The following TTC34 variants were observed in gnomAD, a reference collection of about 807,000 sequenced individuals.
TTC34 encodes tetratricopeptide repeat domain 34.
In TTC34, 44 loss-of-function variants were observed where a neutral mutation model predicts 40.7. That is an observed-to-expected ratio of 1.08 (90% confidence interval 0.85 to 1.39). The LOEUF is 1.39. Among genes scored for constraint, TTC34 ranks in the 40% most tolerant of loss-of-function variants. TTC34 has a pLI of 0.00. For synonymous variants in TTC34, 422 were observed against 398.6 expected, an observed-to-expected ratio of 1.06 and a Z score of -0.70; for missense variants, 884 against 838.0, an observed-to-expected ratio of 1.05 and a Z score of -0.68.
Position 2,787,469 on chromosome 1 carries a change from A to G in TTC34, c.1854+12T>C. 1 of 1,465,888 alleles carries G rather than the reference A, an allele frequency of 6.8e-7. No homozygotes were observed. Among genetic ancestry groups the G allele is most frequent in the East Asian group, 2.5e-5 (1 of 39,924 alleles). The allele number at this position is 1,465,888 out of a possible 1,614,324, so 90.8% of individuals were successfully genotyped here. A position where few individuals can be genotyped will look rare whatever the true frequency, so the allele number is the denominator to read the frequency against. ...TTCCACCTGCCCTCTGTCACCCCCC[A>G]GGCCTCCTCACCTGGTTGGCGTCAT... On this transcript the variant is annotated intron_variant, in intron 4 of 8. Transcript: ENST00000401095.
At chr1:2,800,444 C>T (rs1557695644) in exon 2 of TTC34, 2 of 398,368 alleles carry the variant, frequency 5.0e-6, no homozygotes, top group Non-Finnish European at 4.4e-6. Flanking sequence ...GAGAGTCCAG[C>T]AGGGCGCTGC....
At position 2,644,433 on chromosome 1, in the gene TTC34, C is replaced by T. The variant is rs113268807; in HGVS notation, c.2543G>A (p.Arg848His). ...CCGGGCTGCCTCTGACGTTGGGGCA[C>T]GGTGCAGGGCTTTTTCCAGGTGGGT... Residue 848 changes from arginine to histidine, a missense_variant, in exon 8 of 9, where the codon CGT becomes CAT. Physicochemically the swap from Arg to His is conservative, Grantham distance 29. Coordinates refer to ENST00000401095, the Ensembl canonical transcript of TTC34. 1,529 of 1,535,526 alleles carry T rather than the reference C, an allele frequency of 1.0e-3. 17 individuals are homozygous for T. The African/African-American group carries it at 0.018, about 18-fold the overall frequency.
At chr1:2,759,432 C>T (rs1344671065) in intron 6 of TTC34, among the ~76,000 whole-genome samples, 6 of 98,154 alleles carry the variant, frequency 6.1e-5, no homozygotes, top group East Asian at 3.6e-4. Flanking sequence ...GGATCAGCAC[C>T]CACACTCCCA....
chr1:2,680,215 C>CCA (rs1258773758), intron 6 of TTC34, among the ~76,000 whole-genome samples: 2 of 114,278 alleles, frequency 1.8e-5, no homozygotes, highest in African/African-American at 2.7e-5. Context: ...GGAGCAGCAC[C>CCA]AGTACCCCCA....
chr1:2,765,792 A>C, intron 6 of TTC34, among the ~76,000 whole-genome samples: 1 of 21,290 alleles, frequency 4.7e-5, no homozygotes. Flanking sequence ...AGCAGCGCCC[A>C]CACCCCCGGG....
At chr1:2,775,002 T>C (rs1569880391) in intron 6 of TTC34, 1 of 122,382 alleles carries the variant, frequency 8.2e-6, no homozygotes, top group East Asian at 2.5e-4. Context: ...GGTGAGCATC[T>C]GACAGCCTGG....
rs150825898 is a variant in TTC34 at position 2,783,228 on chromosome 1, C to G, written c.2226+381G>C. Among the ~76,000 whole-genome samples the G allele has an allele frequency of 9.4e-3, 1,439 of 152,300 alleles. 28 individuals are homozygous for G. Among genetic ancestry groups the G allele is most frequent in the African/African-American group, 0.033 (1,368 of 41,562 alleles). ...ACTCCCTCTGTGCATGTCCTCTAAA[C>G]CCCTCTCAACACCGGGGGCCAGGCA... On this transcript the variant is annotated intron_variant, in intron 6 of 8. Transcript: ENST00000401095.
intron 2 of TTC34, among the ~76,000 whole-genome samples, chr1:2,794,278 A>T (rs1002491081): frequency 7.2e-5 from 11 of 152,174 alleles, no homozygotes; most frequent in African/African-American, 2.7e-4. Context: ...AAGTGCTGGG[A>T]TTACAGGCAT....
chr1:2,652,972 G>A (rs1444616439), intron 6 of TTC34, among the ~76,000 whole-genome samples: 1 of 151,830 alleles, frequency 6.6e-6, no homozygotes, highest in East Asian at 1.9e-4. Flanking sequence ...CACACCCCCA[G>A]GTGAGCATGT....
Position 2,755,557 on chromosome 1 carries a change from C to G in TTC34, c.2226+28052G>C, listed in dbSNP as rs1641475685. The stretch of plus-strand genomic sequence containing the variant: ...AGTACCCACACCCACAGGCGAGCAT[C>G]TGAAACCACGGAGCAGCACCCACAC... On this transcript the variant is annotated intron_variant, in intron 6 of 8. Coordinates refer to ENST00000401095, the Ensembl canonical transcript of TTC34. Among the ~76,000 whole-genome samples the G allele has an allele frequency of 2.7e-5, 3 of 109,790 alleles. 1 individual carries two copies. The highest frequency in any genetic ancestry group is 9.1e-5 in the African/African-American group (2 of 22,006). 72.0% of individuals were successfully genotyped at this position (109,790 alleles called of 152,430 possible).
At chr1:2,682,119 A>C (rs1299485278) in intron 6 of TTC34, among the ~76,000 whole-genome samples, 170 of 139,150 alleles carry the variant, frequency 1.2e-3, no homozygotes, top group African/African-American at 4.2e-3. Flanking sequence ...CCAGGTGAGC[A>C]TCTGACAGCC....
chr1:2,796,885 G>A lies in TTC34; in HGVS notation c.784+3159C>T, dbSNP rs186131708. 2.9e-3 allele frequency among the ~76,000 whole-genome samples: 439 copies of A among 152,184 alleles called. No individual in the cohort carries two copies. The highest frequency in any genetic ancestry group is 4.6e-3 in the Non-Finnish European group (313 of 68,012). On this transcript the variant is annotated intron_variant, in intron 2 of 8. Transcript: ENST00000401095. This position sits in a 1 kb window ranked among gnomAD's most constrained non-coding sequence, Gnocchi z 4.5. ...TAACTGGTTCCTGCCCCACCCTCTC[G>A]TTGGGGTCACCAAGAACCTCGGCAC... is the stretch of plus-strand genomic sequence containing the variant.
chr1:2,700,736 C>G (rs1450315622), intron 6 of TTC34, among the ~76,000 whole-genome samples: 1 of 93,906 alleles, frequency 1.1e-5, no homozygotes, highest in African/African-American at 3.1e-5. Flanking sequence ...AAGCACCCTC[C>G]ACCCACACGT....
chr1:2,651,426 C>G lies in TTC34; in HGVS notation c.2227-5863G>C, dbSNP rs147401433. Among the ~76,000 whole-genome samples the G allele has an allele frequency of 8.7e-4, 132 of 151,992 alleles. 3 individuals carry two copies. In the East Asian group the frequency reaches 0.023, roughly 27 times the overall value. On this transcript the variant is annotated intron_variant, in intron 6 of 8. Transcript: ENST00000401095. ...GGTGAACTTGTGACAATCCGAAACA[C>G]AACCCCACACACGCAGGTAAGCATC...
chr1:2,682,126 A>T (rs1384449747), intron 6 of TTC34, among the ~76,000 whole-genome samples: 8 of 140,630 alleles, frequency 5.7e-5, no homozygotes, highest in South Asian at 2.4e-4. Context: ...AGCATCTGAC[A>T]GCCTGGAACA....
intron 6 of TTC34, among the ~76,000 whole-genome samples, chr1:2,768,314 G>T (rs939670982): frequency 3.5e-4 from 53 of 152,144 alleles, no homozygotes; most frequent in African/African-American, 1.1e-3. Flanking sequence ...TCGCATGGGG[G>T]TGAAGGGTGG....
At position 2,751,488 on chromosome 1, in the gene TTC34, C is replaced by T. The variant is rs1172660436; in HGVS notation, c.2226+32121G>A. On this transcript the variant is annotated intron_variant, in intron 6 of 8. Transcript: ENST00000401095. ...GACAGACTGGAACTGCACCCCCATG[C>T]CCAGGTGAGCCTCTGACAGCCTTGA... is the stretch of plus-strand genomic sequence containing the variant. Among the ~76,000 whole-genome samples, 8 of 106,548 alleles carry T rather than the reference C, an allele frequency of 7.5e-5. 1 individual carries two copies. The Middle Eastern group carries it at 0.019, about 247-fold the overall frequency. The allele number at this position is 106,548 out of a possible 152,430, so 69.9% of individuals were successfully genotyped here. A position where few individuals can be genotyped will look rare whatever the true frequency, so the allele number is the denominator to read the frequency against.
intron 6 of TTC34, among the ~76,000 whole-genome samples, chr1:2,688,344 C>T (rs1640467455): frequency 1.0e-4 from 15 of 145,914 alleles, no homozygotes; most frequent in Admixed American, 9.6e-4. Flanking sequence ...AGGTGAGCAT[C>T]GGACAGCCTG....
At chr1:2,686,581 C>G (rs111484340) in intron 6 of TTC34, among the ~76,000 whole-genome samples, 510 of 9,186 alleles carry the variant, frequency 0.056, no homozygotes, top group Admixed American at 0.097. Context: ...AGCATCTGAC[C>G]GCCTGGAACA....
Sources: gnomAD v4.1 joint callset for allele counts (sites outside exome capture counted in the v4.1 genomes callset) on GRCh38, gnomAD v4.1.1 for gene constraint, Gnocchi (gnomAD v3.1) non-coding constraint, MANE v1.5 for transcripts, NCBI Gene and HGNC (gene_info 2026-07-23, HGNC 2026-07-21) for gene names.